Variants in CCDC102B observed in about 807,000 individuals in gnomAD.
CCDC102B encodes coiled-coil domain-containing protein 102B.
Under a neutral mutation model 57.4 loss-of-function variants are expected in CCDC102B, and 75 were observed. The ratio of observed to expected loss-of-function variants is 1.31; its 90% confidence interval spans 1.08 to 1.58. The LOEUF (loss-of-function observed/expected upper bound fraction) is 1.58, where lower values mean the gene tolerates loss of function less well. CCDC102B is among the 40% of genes most tolerant of loss of function. The pLI, the probability that CCDC102B is intolerant of heterozygous loss-of-function variation, is 0.00. For missense variants in CCDC102B, 636 were observed against 582.6 expected (o/e 1.09, Z -0.94); for synonymous variants, 206 against 201.9 (o/e 1.02, Z -0.17).
chr18:69,008,044 G>A (rs75322802), intron 6 of CCDC102B, among the ~76,000 whole-genome samples: 3,416 of 152,282 alleles, frequency 0.022, 142 homozygotes, highest in East Asian at 0.17. Flanking sequence ...AACTAGGTGC[G>A]TAATTCCGGA....
chr18:68,892,046 C>T (rs544847612), intron 5 of CCDC102B, among the ~76,000 whole-genome samples: 32 of 152,196 alleles, frequency 2.1e-4, no homozygotes, highest in Non-Finnish European at 3.5e-4. Flanking sequence ...CCTCTTTTGT[C>T]GATACAGTGA....
intron 2 of CCDC102B, among the ~76,000 whole-genome samples, chr18:68,769,264 A>AG (rs998470042): frequency 6.6e-6 from 1 of 152,002 alleles, no homozygotes; most frequent in African/African-American, 2.4e-5. Flanking sequence ...GAAAAAAAAA[A>AG]AAAAAGATTG....
chr18:68,732,681 G>A (rs2032937601), intron 2 of CCDC102B, among the ~76,000 whole-genome samples: 1 of 152,096 alleles, frequency 6.6e-6, no homozygotes, highest in Non-Finnish European at 1.5e-5. Context: ...GTCTCATAGT[G>A]ATCTTTCTTT....
intron 1 of CCDC102B, among the ~76,000 whole-genome samples, chr18:68,832,639 C>G (rs1407129425): frequency 6.7e-6 from 1 of 150,300 alleles, no homozygotes; most frequent in Non-Finnish European, 1.5e-5. Context: ...ACTAAGAACC[C>G]AAGACTGTGT....
rs568366651 is a variant in CCDC102B at position 68,765,525 on chromosome 18, TAGAA to T, written c.-67+48935_-67+48938del. On this transcript the variant is annotated intron_variant, in intron 2 of 3. Coordinates refer to the CCDC102B transcript ENST00000578970. The stretch of plus-strand genomic sequence containing the variant: ...AAAGCAAGAAAGAAAGAGAAAGAAA[TAGAA>T]AGAGAAAATAAGTGGAAGCCAAAGG... Among the ~76,000 whole-genome samples, 461 of 151,630 alleles carry T rather than the reference TAGAA, an allele frequency of 3.0e-3. 1 individual carries two copies. Among genetic ancestry groups the T allele is most frequent in the African/African-American group, 9.5e-3 (393 of 41,372 alleles).
intron 6 of CCDC102B, among the ~76,000 whole-genome samples, chr18:68,929,242 C>T (rs1020293044): frequency 1.3e-5 from 2 of 151,876 alleles, no homozygotes; most frequent in African/African-American, 4.8e-5. Flanking sequence ...CCAAATTCCA[C>T]ACAGCAGGGG....
chr18:68,906,227 T>C (rs1393373319), intron 6 of CCDC102B, among the ~76,000 whole-genome samples: 2 of 152,256 alleles, frequency 1.3e-5, no homozygotes, highest in Non-Finnish European at 2.9e-5. Context: ...CTACATCTGC[T>C]GGTGGATGTT....
intron 6 of CCDC102B, among the ~76,000 whole-genome samples, chr18:68,927,510 T>G (rs1352522520): frequency 6.6e-6 from 1 of 151,974 alleles, no homozygotes; most frequent in Non-Finnish European, 1.5e-5. Context: ...ATTCATTATA[T>G]GACATTATAT....
intron 2 of CCDC102B, among the ~76,000 whole-genome samples, chr18:68,752,273 T>G (rs2033883866): frequency 6.6e-6 from 1 of 151,084 alleles, no homozygotes; most frequent in African/African-American, 2.4e-5. Context: ...AAAATAAAAA[T>G]AAAAAATCAA....
intron 6 of CCDC102B, among the ~76,000 whole-genome samples, chr18:69,009,302 C>T (rs1056670894): frequency 2.0e-5 from 3 of 152,046 alleles, no homozygotes; most frequent in East Asian, 3.9e-4. Context: ...CAGATCTAGG[C>T]GTCCCTTACG....
chr18:68,889,271 A>C (rs954729740), intron 5 of CCDC102B, among the ~76,000 whole-genome samples: 4 of 152,170 alleles, frequency 2.6e-5, no homozygotes, highest in Non-Finnish European at 1.5e-5. Context: ...AAGAGGCCCA[A>C]GGTGCTAGCT....
At chr18:69,003,993 C>A (rs1316930677) in intron 6 of CCDC102B, among the ~76,000 whole-genome samples, 1 of 152,194 alleles carries the variant, frequency 6.6e-6, no homozygotes, top group African/African-American at 2.4e-5. Context: ...ACTCACTTTA[C>A]ACATATTCAA....
chr18:69,015,566 A>C (rs2051642769), intron 7 of CCDC102B, among the ~76,000 whole-genome samples: 1 of 152,230 alleles, frequency 6.6e-6, no homozygotes, highest in Admixed American at 6.5e-5. Context: ...AACTGGAACC[A>C]TCAAATAGGA....
intron 6 of CCDC102B, among the ~76,000 whole-genome samples, chr18:68,946,194 G>T (rs190758659): frequency 6.6e-6 from 1 of 151,846 alleles, no homozygotes; most frequent in Non-Finnish European, 1.5e-5. Flanking sequence ...TATTTATTTA[G>T]ATCTTTTTCT....
intron 6 of CCDC102B, among the ~76,000 whole-genome samples, chr18:69,007,621 G>A (rs896827742): frequency 6.6e-6 from 1 of 152,200 alleles, no homozygotes; most frequent in Admixed American, 6.5e-5. Context: ...CTGGGCTCGA[G>A]CCCTGAGTTT....
chr18:68,773,191 A>T (rs1416256641), intron 2 of CCDC102B, among the ~76,000 whole-genome samples: 1 of 152,080 alleles, frequency 6.6e-6, no homozygotes, highest in Non-Finnish European at 1.5e-5. Context: ...ATGCCAAGTC[A>T]AAAGAATCGG....
intron 4 of CCDC102B, among the ~76,000 whole-genome samples, chr18:68,848,090 A>T (rs2037957234): frequency 6.6e-6 from 1 of 151,784 alleles, no homozygotes; most frequent in South Asian, 2.1e-4. Context: ...TTAATTATTT[A>T]TATATTCTTT....
chr18:68,773,435 G>C (rs1296644318), intron 2 of CCDC102B, among the ~76,000 whole-genome samples: 1 of 151,934 alleles, frequency 6.6e-6, no homozygotes, highest in Non-Finnish European at 1.5e-5. Flanking sequence ...ACTCTTCTCT[G>C]ACTTATTTTT....
At chr18:68,789,881 G>C (rs1436001696) in intron 2 of CCDC102B, among the ~76,000 whole-genome samples, 1 of 151,922 alleles carries the variant, frequency 6.6e-6, no homozygotes, top group African/African-American at 2.4e-5. Context: ...GAGGAACTGC[G>C]TTCCTTTGGA....
Sources: allele counts gnomAD v4.1 joint callset (sites outside exome capture counted in the v4.1 genomes callset), GRCh38; gene constraint gnomAD v4.1.1; transcripts MANE v1.5; gene names NCBI Gene and HGNC (gene_info 2026-07-23, HGNC 2026-07-21).